Variants in NRCAM observed in about 807,000 individuals in gnomAD.
NRCAM encodes the protein NgCAM-related cell adhesion molecule.
NRCAM carries 83 observed loss-of-function variants against 156.5 expected under a neutral mutation model. The ratio of observed to expected loss-of-function variants is 0.53; its 90% CI spans 0.44 to 0.64. NRCAM has a LOEUF of 0.64. NRCAM is among the 30% of genes least tolerant of loss of function. NRCAM has a pLI of 0.00. For synonymous variants in NRCAM, 538 were observed against 563.9 expected (o/e 0.95, Z 0.65); for missense variants, 1,417 against 1,597.3 (o/e 0.89, Z 1.92).
intron 1 of NRCAM, among the ~76,000 whole-genome samples, chr7:108,455,151 G>A (rs1855330687): frequency 6.6e-6 from 1 of 152,172 alleles, no homozygotes; most frequent in South Asian, 2.1e-4. Flanking sequence ...CGGCCCTGAG[G>A]ACACCGCTTT....
chr7:108,228,165 T>C (rs1249669933), intron 8 of NRCAM, among the ~76,000 whole-genome samples: 4 of 151,996 alleles, frequency 2.6e-5, no homozygotes, highest in African/African-American at 9.7e-5. Flanking sequence ...CTACTAAAAA[T>C]ACGAAAATTA....
At chr7:108,189,180 A>G (rs916767879) in intron 20 of NRCAM, among the ~76,000 whole-genome samples, 3 of 152,162 alleles carry the variant, frequency 2.0e-5, no homozygotes, top group Non-Finnish European at 4.4e-5. Context: ...TTGGAAGTTA[A>G]GGTAGAACCT....
intron 3 of NRCAM, among the ~76,000 whole-genome samples, chr7:108,287,525 G>A (rs967882537): frequency 6.6e-6 from 1 of 151,890 alleles, no homozygotes; most frequent in Non-Finnish European, 1.5e-5. Context: ...GAAAGAAGAC[G>A]AATAGACATT....
At chr7:108,356,374 G>GT (rs750858448) in intron 2 of NRCAM, among the ~76,000 whole-genome samples, 153 of 152,030 alleles carry the variant, frequency 1.0e-3, no homozygotes, top group Admixed American at 1.3e-3. Context: ...CTTACTATAG[G>GT]TATTTATGAA....
At chr7:108,277,086 G>A (rs2097660994) in intron 3 of NRCAM, among the ~76,000 whole-genome samples, 1 of 152,200 alleles carries the variant, frequency 6.6e-6, no homozygotes, top group Non-Finnish European at 1.5e-5. Context: ...GGCTTGTAGG[G>A]TTTCTGCAGA....
chr7:108,283,474 C>T (rs192219177), intron 3 of NRCAM, among the ~76,000 whole-genome samples: 1 of 152,270 alleles, frequency 6.6e-6, no homozygotes, highest in East Asian at 1.9e-4. Context: ...CTTTGAAGCA[C>T]TTGTTCCAGG....
At chr7:108,276,919 A>C (rs1276383348) in intron 3 of NRCAM, among the ~76,000 whole-genome samples, 1 of 152,116 alleles carries the variant, frequency 6.6e-6, no homozygotes, top group Non-Finnish European at 1.5e-5. Context: ...AGCTCTTGTA[A>C]GGCAGGCCTG....
intron 11 of NRCAM, among the ~76,000 whole-genome samples, chr7:108,211,923 C>G (rs554198041): frequency 6.6e-6 from 1 of 152,216 alleles, no homozygotes. Flanking sequence ...CTGGAAAGCA[C>G]CTGGCAGGAG....
chr7:108,223,876 T>C (rs756203807), intron 10 of NRCAM, 40 bp from the exon 11 acceptor site: 2 of 923,424 alleles, frequency 2.2e-6, no homozygotes, highest in Non-Finnish European at 3.6e-6. Context: ...AACTTATAAA[T>C]ATGTATTTCT....
intron 2 of NRCAM, among the ~76,000 whole-genome samples, chr7:108,339,803 T>C (rs551407756): frequency 1.4e-4 from 22 of 152,250 alleles, no homozygotes; most frequent in Non-Finnish European, 2.5e-4. Flanking sequence ...TTTTTTCAGA[T>C]GGGAAATGTT....
chr7:108,147,914 T>G lies in NRCAM; in HGVS notation c.*1996A>C, dbSNP rs904025457. 1.3e-5 allele frequency: 2 copies of G among 152,796 alleles called. No individual in the cohort carries two copies. Among genetic ancestry groups the G allele is most frequent in the African/African-American group, 4.8e-5 (2 of 41,594 alleles). 9.5% of individuals were successfully genotyped at this position (152,796 alleles called of 1,614,324 possible). A position where few individuals can be genotyped will look rare whatever the true frequency, so the allele number is the denominator to read the frequency against. On this transcript the variant is annotated 3_prime_UTR_variant, in exon 33 of 33. Transcript: ENST00000379028. ...TAGTTTTATTGTTCTCCCAAAATAT[T>G]GGCAAATTTAAAGTAACTTTTAATC...
intron 20 of NRCAM, among the ~76,000 whole-genome samples, chr7:108,185,925 A>G (rs2066490175): frequency 6.6e-6 from 1 of 152,218 alleles, no homozygotes; most frequent in Non-Finnish European, 1.5e-5. Context: ...ATATAAATGC[A>G]TATTACCTCT....
intron 30 of NRCAM, 66 bp downstream of exon 30, chr7:108,166,855 C>T: frequency 6.7e-7 from 1 of 1,487,852 alleles, no homozygotes; most frequent in South Asian, 1.2e-5. Flanking sequence ...CCCCCATCTC[C>T]AGCTGGAGCA....
chr7:108,285,584 T>C (rs1156737789), intron 3 of NRCAM, among the ~76,000 whole-genome samples: 3 of 152,208 alleles, frequency 2.0e-5, no homozygotes, highest in Non-Finnish European at 2.9e-5. Context: ...AAACTGTTAA[T>C]GGGGCTTGTT....
intron 12 of NRCAM, 21 bp from the exon 13 acceptor site, chr7:108,207,680 A>G (rs759978396): frequency 1.9e-6 from 3 of 1,582,626 alleles, no homozygotes; most frequent in Non-Finnish European, 2.6e-6. Flanking sequence ...GGAAGAAAAA[A>G]GACCAAAAAT....
At position 108,178,231 on chromosome 7, in the gene NRCAM, T is replaced by G. The variant is rs1331035383; in HGVS notation, c.2852-119A>C. 6.0e-6 allele frequency: 6 copies of G among 999,636 alleles called. No homozygotes were observed. The African/African-American group carries it at 9.8e-5, about 16-fold the overall frequency. 61.9% of individuals were successfully genotyped at this position (999,636 alleles called of 1,614,324 possible). A position where few individuals can be genotyped will look rare whatever the true frequency, so the allele number is the denominator to read the frequency against. ...TTGAGTTTCAGTAACTCATTCCTGATTCAGCTGAAAATACATTAGTACAAA... is the reference window on the plus strand; with the variant it reads ...TTGAGTTTCAGTAACTCATTCCTGAGTCAGCTGAAAATACATTAGTACAAA... On this transcript the variant is annotated intron_variant, in intron 25 of 32. Transcript: ENST00000379028.
intron 1 of NRCAM, among the ~76,000 whole-genome samples, chr7:108,405,029 G>A (rs2099803400): frequency 6.6e-6 from 1 of 152,198 alleles, no homozygotes. Context: ...GACTATGGAT[G>A]TGTGAGTGAC....
intron 1 of NRCAM, among the ~76,000 whole-genome samples, chr7:108,445,414 C>A (rs1843123687): frequency 6.6e-6 from 1 of 152,162 alleles, no homozygotes; most frequent in African/African-American, 2.4e-5. Flanking sequence ...CAGTGCAAGA[C>A]CACTTCATTT....
intron 2 of NRCAM, among the ~76,000 whole-genome samples, chr7:108,340,398 G>A (rs985930832): frequency 6.6e-6 from 1 of 152,144 alleles, no homozygotes; most frequent in Non-Finnish European, 1.5e-5. Flanking sequence ...GTTTACAAGG[G>A]TTAGGACAAT....
Sources: gnomAD v4.1 joint callset for allele counts (sites outside exome capture counted in the v4.1 genomes callset) on GRCh38, gnomAD v4.1.1 for gene constraint, MANE v1.5 for transcripts, NCBI Gene and HGNC (gene_info 2026-07-23, HGNC 2026-07-21) for gene names.